CTNNA2: variants seen among roughly 807,000 people sequenced by gnomAD.
CTNNA2 encodes catenin alpha-2.
Under a neutral mutation model 101.0 loss-of-function variants are expected in CTNNA2, and 42 were observed. The ratio of observed to expected loss-of-function variants is 0.42; its 90% CI spans 0.32 to 0.54. The LOEUF is 0.54. CTNNA2 is among the 20% of genes least tolerant of loss of function. CTNNA2 has a pLI of 0.14. For missense variants in CTNNA2, 871 were observed against 1,223.1 expected (o/e 0.71, Z 4.29); for synonymous variants, 450 against 456.4 (o/e 0.99, Z 0.18).
intron 7 of CTNNA2, among the ~76,000 whole-genome samples, chr2:80,024,383 C>G (rs548547406): frequency 6.6e-6 from 1 of 152,280 alleles, no homozygotes; most frequent in Non-Finnish European, 1.5e-5. Context: ...AAAGATTACA[C>G]TGCATTGAGT....
At chr2:80,550,832 C>T (rs1320695979) in intron 11 of CTNNA2, among the ~76,000 whole-genome samples, 3 of 152,128 alleles carry the variant, frequency 2.0e-5, no homozygotes, top group Non-Finnish European at 2.9e-5. Flanking sequence ...CAACTTTTTC[C>T]AAACTCCTGT....
intron 17 of CTNNA2, among the ~76,000 whole-genome samples, chr2:80,613,795 C>T (rs1466188582): frequency 6.6e-6 from 1 of 151,424 alleles, no homozygotes; most frequent in Non-Finnish European, 1.5e-5. Flanking sequence ...CTCTTCTTAC[C>T]TTAACTGGAG....
At chr2:80,063,393 T>C (rs1697745222) in intron 7 of CTNNA2, among the ~76,000 whole-genome samples, 1 of 152,198 alleles carries the variant, frequency 6.6e-6, no homozygotes. Context: ...TGTTCAATGG[T>C]CTTGAAATGC....
chr2:79,735,191 G>C (rs1573826506), intron 2 of CTNNA2, among the ~76,000 whole-genome samples: 1 of 152,246 alleles, frequency 6.6e-6, no homozygotes, highest in Middle Eastern at 3.4e-3. Context: ...CAAAAATGGA[G>C]CTTATCTGTG....
At chr2:79,714,857 G>C (rs924447740) in intron 2 of CTNNA2, among the ~76,000 whole-genome samples, 1 of 152,056 alleles carries the variant, frequency 6.6e-6, no homozygotes, top group Non-Finnish European at 1.5e-5. Flanking sequence ...AGCATGGCAT[G>C]CATTCTTAGA....
chr2:80,185,265 G>GTCAGC (rs1165690923), intron 7 of CTNNA2, among the ~76,000 whole-genome samples: 1 of 152,198 alleles, frequency 6.6e-6, no homozygotes, highest in Non-Finnish European at 1.5e-5. Context: ...TGCTCTGTAG[G>GTCAGC]TCAGCTCGCA....
chr2:80,600,953 T>C (rs1350761267), intron 15 of CTNNA2, among the ~76,000 whole-genome samples: 2 of 152,256 alleles, frequency 1.3e-5, no homozygotes, highest in East Asian at 3.9e-4. Context: ...CCAATACCTT[T>C]ATTCTCGACT....
intron 7 of CTNNA2, among the ~76,000 whole-genome samples, chr2:80,232,888 G>A (rs1709338317): frequency 6.6e-6 from 1 of 152,142 alleles, no homozygotes; most frequent in South Asian, 2.1e-4. Flanking sequence ...AGATGAGAAA[G>A]GTTCACCAAA....
rs374104005 is a variant in CTNNA2, at chr2:79,447,441, T to C, written c.-134-57613T>C. 1.3e-4 allele frequency among the ~76,000 whole-genome samples: 20 copies of C among 152,088 alleles called. No homozygotes were observed. The East Asian group carries it at 3.7e-3, about 28-fold the overall frequency. On this transcript the variant is annotated intron_variant, in intron 4 of 21. Coordinates refer to the CTNNA2 transcript ENST00000466387. ...ATATTCCTGCTCTCTTCCCAGAAGA[T>C]GAGATAGTAAGACAGTGAATACCTA...
Position 80,647,602 on chromosome 2 carries a change from G to T in CTNNA2, c.2592G>T (p.Ser864=). The part of the protein sequence containing the change: ...SDSSMLDSAT[S]LIQAAKNLMN... ...TACTCTAGCTGGACAGTGCCACATCGCTTATCCAGGCAGCTAAAAACCTGA... is the reference window on the plus strand; with the variant it reads ...TACTCTAGCTGGACAGTGCCACATCTCTTATCCAGGCAGCTAAAAACCTGA... The change falls in exon 19 of 19, where the codon TCG becomes TCT. Residue 864 remains serine (S), a synonymous_variant. Transcript: ENST00000402739. 1.2e-6 allele frequency: 2 copies of T among 1,612,236 alleles called. No homozygotes were observed. Among genetic ancestry groups the T allele is most frequent in the African/African-American group, 1.3e-5 (1 of 74,896 alleles).
intron 1 of CTNNA2, among the ~76,000 whole-genome samples, chr2:79,560,644 T>G (rs1394049340): frequency 6.6e-6 from 1 of 151,876 alleles, no homozygotes; most frequent in Non-Finnish European, 1.5e-5. Context: ...GAATGTCTTT[T>G]CCTAGAAAAA....
intron 2 of CTNNA2, among the ~76,000 whole-genome samples, chr2:79,219,554 T>G (rs1674315122): frequency 6.6e-6 from 1 of 152,220 alleles, no homozygotes; most frequent in Non-Finnish European, 1.5e-5. Flanking sequence ...TTTAAGGATC[T>G]GCTTGTACGC....
rs886463383 is a variant in CTNNA2 at position 79,210,186 on chromosome 2, C to G, written c.-406+12110C>G. 2.6e-5 allele frequency among the ~76,000 whole-genome samples: 4 copies of G among 151,590 alleles called. No homozygotes were observed. In the South Asian group the frequency reaches 6.2e-4, roughly 24 times the overall value. On this transcript the variant is annotated intron_variant, in intron 2 of 21. Transcript: ENST00000466387. ...AACCCACGTGGAGATTTGTTAACAT[C>G]TCGCACAATGTTGCACATTCATTAG...
At chr2:80,331,521 T>C (rs1396538294) in intron 7 of CTNNA2, among the ~76,000 whole-genome samples, 1 of 152,074 alleles carries the variant, frequency 6.6e-6, no homozygotes, top group African/African-American at 2.4e-5. Flanking sequence ...AGGACCATAA[T>C]TGCTGGTTGT....
intron 1 of CTNNA2, chr2:79,514,568 A>G (rs1250974396): frequency 6.6e-6 from 1 of 152,176 alleles, no homozygotes; most frequent in African/African-American, 2.4e-5. Context: ...TACATTATAC[A>G]TGTTATTGGC....
At chr2:80,616,813 A>G (rs1036332052) in intron 17 of CTNNA2, among the ~76,000 whole-genome samples, 1 of 151,654 alleles carries the variant, frequency 6.6e-6, no homozygotes, top group Non-Finnish European at 1.5e-5. Context: ...TATTATTTTA[A>G]CTAATATCAT....
chr2:80,511,850 C>T lies in CTNNA2; in HGVS notation c.1291-33132C>T, dbSNP rs147370369. ...CTAGAATGATTTTACAAAATCACTT[C>T]GTTAAAAGTATGTAGGAGGGCCAGG... On this transcript the variant is annotated intron_variant, in intron 9 of 18. Transcript: ENST00000402739. Among the ~76,000 whole-genome samples the T allele has an allele frequency of 1.9e-3, 286 of 152,086 alleles. 1 individual carries two copies. The highest frequency in any genetic ancestry group is 0.017 in the Middle Eastern group (5 of 294).
chr2:80,443,164 C>A (rs1355442843), intron 9 of CTNNA2, among the ~76,000 whole-genome samples: 1 of 152,188 alleles, frequency 6.6e-6, no homozygotes, highest in Non-Finnish European at 1.5e-5. Context: ...AACACAAATG[C>A]TGTTCTTTAG....
chr2:80,170,906 C>T (rs1705011437), intron 7 of CTNNA2, among the ~76,000 whole-genome samples: 1 of 152,092 alleles, frequency 6.6e-6, no homozygotes, highest in East Asian at 1.9e-4. Context: ...GTTTCCCTGT[C>T]TATAAAATAG....
Sources: allele counts gnomAD v4.1 joint callset (sites outside exome capture counted in the v4.1 genomes callset), GRCh38; gene constraint gnomAD v4.1.1; transcripts MANE v1.5; gene names NCBI Gene and HGNC (gene_info 2026-07-23, HGNC 2026-07-21).